Variants in KLHL40 observed in about 807,000 individuals in gnomAD.
The protein encoded by KLHL40 is kelch-like protein 40.
Under a neutral mutation model 49.7 loss-of-function variants are expected in KLHL40, and 44 were observed. The observed-to-expected ratio is 0.89, with a 90% confidence interval of 0.70 to 1.14. The LOEUF is 1.14. Among genes scored for constraint, KLHL40 ranks in the 50% most tolerant of loss-of-function variants. The probability of loss-of-function intolerance (pLI) is 0.00; values close to 1 mark genes in which losing one functional copy is unlikely to be tolerated. For missense variants in KLHL40, 892 were observed against 850.3 expected, an observed-to-expected ratio of 1.05 and a Z score of -0.61; for synonymous variants, 409 against 365.2, an observed-to-expected ratio of 1.12 and a Z score of -1.37.
In KLHL40 at chr3:42,686,065, C is replaced by A. The variant is rs138852341; in HGVS notation, c.447C>A (p.Ala149=). The change falls in exon 1 of 6, where the codon GCC becomes GCA. Residue 149 remains alanine, a synonymous_variant. Coordinates refer to ENST00000287777, the MANE Select transcript of KLHL40 (RefSeq NM_152393.4). ...TCCTGCTCGACTGCGCGCGTCTCGC[C>A]GTGGCTGCCCGCGACTTCATCTGCG... The part of the protein sequence containing the change: ...LGLLLDCARL[A]VAARDFICAH... 6 of 1,604,554 alleles carry A rather than the reference C, an allele frequency of 3.7e-6. No homozygotes were observed. The highest frequency in any genetic ancestry group is 5.1e-6 in the Non-Finnish European group (6 of 1,179,910).
Position 42,688,001 on chromosome 3 carries a change from G to A in KLHL40, c.1153-141G>A. On this transcript the variant is annotated intron_variant, in intron 1 of 5. Coordinates refer to ENST00000287777, the MANE Select transcript of KLHL40 (RefSeq NM_152393.4). This position sits in a 1 kb window ranked among gnomAD's most constrained non-coding sequence, Gnocchi z 4.2. Reference sequence around the variant, plus strand: ...TCAGCCTGATGGTAGGAGGGGCACTGTTTCTCAGGGCACCTCCAGGCTGTA... The same window carrying A: ...TCAGCCTGATGGTAGGAGGGGCACTATTTCTCAGGGCACCTCCAGGCTGTA... The A allele has an allele frequency of 1.1e-6, 1 of 928,316 alleles. No individual in the cohort carries two copies. Among genetic ancestry groups the A allele is most frequent in the Non-Finnish European group, 1.6e-6 (1 of 609,904 alleles). 57.5% of individuals were successfully genotyped at this position (928,316 alleles called of 1,614,324 possible).
In KLHL40 at chr3:42,688,951, C is replaced by G. The variant is rs766195312; in HGVS notation, c.1504C>G (p.Leu502Val). 6.2e-7 allele frequency: 1 copy of G among 1,614,198 alleles called. No individual in the cohort carries two copies. Among genetic ancestry groups the G allele is most frequent in the Admixed American group, 1.7e-5 (1 of 60,026 alleles). ...GGCACCCATGCAGACCGCCCGCTCA[C>G]TCTTTGGGGCCACTGTCCATGATGG... ...ELAPMQTARSLFGATVHDGRI... is the reference protein window; with the variant it reads ...ELAPMQTARSVFGATVHDGRI... Residue 502 changes from leucine to valine, a missense_variant, in exon 4 of 6, where the codon CTC becomes GTC. Physicochemically the swap from Leu to Val is conservative, Grantham distance 32 (BLOSUM62 1). Coordinates refer to ENST00000287777, the MANE Select transcript of KLHL40 (RefSeq NM_152393.4). This position sits in a 1 kb window ranked among gnomAD's most constrained non-coding sequence, Gnocchi z 4.2.
Position 42,688,103 on chromosome 3 carries a change from G to A in KLHL40, c.1153-39G>A. 1 of 1,613,004 alleles carries A rather than the reference G, an allele frequency of 6.2e-7. No individual in the cohort carries two copies. The highest frequency in any genetic ancestry group is 8.5e-7 in the Non-Finnish European group (1 of 1,179,682). On this transcript the variant is annotated intron_variant, in intron 1 of 5. Coordinates refer to ENST00000287777, the MANE Select transcript of KLHL40 (RefSeq NM_152393.4). This position sits in a 1 kb window ranked among gnomAD's most constrained non-coding sequence, Gnocchi z 4.2. ...GAGTGGGGCTGGGCTGAGGCTGGGG[G>A]AGTGGGGGGCGGTAGCTGACTGGAC...
In KLHL40 at chr3:42,689,047, G is replaced by A; in HGVS notation, c.1600G>A (p.Asp534Asn). The A allele has an allele frequency of 6.2e-7, 1 of 1,611,066 alleles. No individual in the cohort carries two copies. Among genetic ancestry groups the A allele is most frequent in the Non-Finnish European group, 8.5e-7 (1 of 1,177,798 alleles). ...TTCTGCCGAAGTGTACAGCATCACA[G>A]ACAACAAGTATGAAAGCTTGTCCCT... ...TSSAEVYSIT[D>N]NKWAPFEAFP... The change falls in exon 4 of 6, where the codon GAC becomes AAC. Residue 534 changes from aspartate (D) to asparagine (N), a missense_variant. By Grantham distance (23) the Asp-to-Asn change is conservative. Coordinates refer to ENST00000287777, the MANE Select transcript of KLHL40 (RefSeq NM_152393.4).
At position 42,688,310 on chromosome 3, in the gene KLHL40, T is replaced by C. The variant is rs757710078; in HGVS notation, c.1313+8T>C. 4.3e-5 allele frequency: 70 copies of C among 1,611,930 alleles called. 2 individuals are homozygous for C. The highest frequency in any genetic ancestry group is 8.8e-5 in the South Asian group (8 of 90,996). ...CATGTGCTACGACAGGCTGTGAGCA[T>C]GGCTGGGGTGGGGCTGAGCTCCGTG... is the stretch of plus-strand genomic sequence containing the variant. On this transcript the variant is annotated splice_region_variant and intron_variant, in intron 2 of 5. Transcript: ENST00000287777. This position sits in a 1 kb window ranked among gnomAD's most constrained non-coding sequence, Gnocchi z 4.2.
At position 42,688,827 on chromosome 3, in the gene KLHL40, G is replaced by T; in HGVS notation, c.1422-42G>T. ...GGTGATTGCAGGGAGGCGTGGCTGG[G>T]CTCCTGCTTCTCTCCACCCATCCCC... On this transcript the variant is annotated intron_variant, in intron 3 of 5. Transcript: ENST00000287777. The surrounding 1 kb of genome is among the most constrained non-coding windows in gnomAD (Gnocchi z 4.2). 2 of 1,600,510 alleles carry T rather than the reference G, an allele frequency of 1.2e-6. No homozygotes were observed. The highest frequency in any genetic ancestry group is 8.6e-7 in the Non-Finnish European group (1 of 1,168,106).
At position 42,688,962 on chromosome 3, in the gene KLHL40, C is replaced by T. The variant is rs1204833353; in HGVS notation, c.1515C>T (p.Ala505=). Reference sequence around the variant, plus strand: ...AGACCGCCCGCTCACTCTTTGGGGCCACTGTCCATGATGGCCGCATTATCG... The same window carrying T: ...AGACCGCCCGCTCACTCTTTGGGGCTACTGTCCATGATGGCCGCATTATCG... ...PMQTARSLFG[A]TVHDGRIIVA... is the part of the protein sequence containing the mutation. Residue 505 remains alanine (A), a synonymous_variant, in exon 4 of 6, where the codon GCC becomes GCT. Coordinates refer to ENST00000287777, the MANE Select transcript of KLHL40 (RefSeq NM_152393.4). The surrounding 1 kb of genome is among the most constrained non-coding windows in gnomAD (Gnocchi z 4.2). 6.2e-7 allele frequency: 1 copy of T among 1,614,192 alleles called. No individual in the cohort carries two copies. Among genetic ancestry groups the T allele is most frequent in the Non-Finnish European group, 8.5e-7 (1 of 1,180,026 alleles).
At chr3:42,691,481 G>T (rs1697366839) in intron 5 of KLHL40, among the ~76,000 whole-genome samples, 1 of 152,052 alleles carries the variant, frequency 6.6e-6, no homozygotes, top group Admixed American at 6.5e-5. Context: ...TCCTGAACCT[G>T]CAGCCATCTG....
Position 42,692,043 on chromosome 3 carries a change from C to G in KLHL40, c.*50C>G, listed in dbSNP as rs1229642280. On this transcript the variant is annotated 3_prime_UTR_variant, in exon 6 of 6. Coordinates refer to ENST00000287777, the MANE Select transcript of KLHL40 (RefSeq NM_152393.4). ...CACCCCTCCCATCCTGCGACCCTCA[C>G]TGGCCTGGCCTTGTGGGGGCTCCAG... is the stretch of plus-strand genomic sequence containing the variant. The G allele has an allele frequency of 8.8e-7, 1 of 1,134,944 alleles. No individual in the cohort carries two copies. Among genetic ancestry groups the G allele is most frequent in the African/African-American group, 1.5e-5 (1 of 65,402 alleles). The allele number at this position is 1,134,944 out of a possible 1,614,324, so 70.3% of individuals were successfully genotyped here.
Position 42,688,220 on chromosome 3 carries a change from C to T in KLHL40, c.1231C>T (p.Leu411Phe). Residue 411 changes from leucine (L) to phenylalanine (F), a missense_variant, in exon 2 of 6, where the codon CTC (leucine) becomes TTC (phenylalanine). By Grantham distance (22) the Leu-to-Phe change is conservative. Coordinates refer to ENST00000287777, the MANE Select transcript of KLHL40 (RefSeq NM_152393.4). The surrounding 1 kb of genome is among the most constrained non-coding windows in gnomAD (Gnocchi z 4.2). ...PRCLFGLGEA[L>F]NSIYVVGGRE... ...CTGCCTCTTTGGCCTGGGAGAAGCT[C>T]TCAACTCCATCTACGTGGTCGGTGG... is the stretch of plus-strand genomic sequence containing the variant. 1.9e-6 allele frequency: 3 copies of T among 1,614,014 alleles called. No homozygotes were observed. In the African/African-American group the frequency reaches 4.0e-5, roughly 22 times the overall value.
rs149944503 is a variant in KLHL40, at chr3:42,686,743, G to A, written c.1125G>A (p.Glu375=). 11 of 1,612,504 alleles carry A rather than the reference G, an allele frequency of 6.8e-6. No individual in the cohort carries two copies. The African/African-American group carries it at 1.3e-4, about 20-fold the overall frequency. Residue 375 remains glutamate (E), a synonymous_variant, in exon 1 of 6, where the codon GAG becomes GAA. Transcript: ENST00000287777. ...TCTTCTACAACGAAGACAACAAAGA[G>A]GACCCCATGAGCGCATACTTCCTGC... ...GGLFYNEDNK[E]DPMSAYFLQF...
At chr3:42,691,751 C>T (rs1351951315) in intron 5 of KLHL40, 131 bp from the exon 6 acceptor site, 8 of 650,732 alleles carry the variant, frequency 1.2e-5, no homozygotes, top group Non-Finnish European at 2.3e-5. Flanking sequence ...TTCCCAGAGC[C>T]TGGGGATTTT....
Position 42,686,056 on chromosome 3 carries a change from G to A in KLHL40, c.438G>A (p.Ala146=). 1 of 1,605,982 alleles carries A rather than the reference G, an allele frequency of 6.2e-7. No homozygotes were observed. ...VFRLGLLLDC[A]RLAVAARDFI... ...GTCTCGGCCTCCTGCTCGACTGCGCGCGTCTCGCCGTGGCTGCCCGCGACT... is the reference window on the plus strand; with the variant it reads ...GTCTCGGCCTCCTGCTCGACTGCGCACGTCTCGCCGTGGCTGCCCGCGACT... The change falls in exon 1 of 6, where the codon GCG becomes GCA. Residue 146 remains alanine, a synonymous_variant. Transcript: ENST00000287777.
chr3:42,687,794 G>A (rs1697297726), intron 1 of KLHL40, among the ~76,000 whole-genome samples: 1 of 152,132 alleles, frequency 6.6e-6, no homozygotes, highest in South Asian at 2.1e-4. Context: ...TGAACAGTGG[G>A]ATGGGGTGGA....
chr3:42,688,095 G>A lies in KLHL40; in HGVS notation c.1153-47G>A. On this transcript the variant is annotated intron_variant, in intron 1 of 5. Coordinates refer to ENST00000287777, the MANE Select transcript of KLHL40 (RefSeq NM_152393.4). The surrounding 1 kb of genome is among the most constrained non-coding windows in gnomAD (Gnocchi z 4.2). ...GTGGGACTGAGTGGGGCTGGGCTGA[G>A]GCTGGGGGAGTGGGGGGCGGTAGCT... The A allele has an allele frequency of 1.2e-6, 2 of 1,612,328 alleles. No homozygotes were observed. Among genetic ancestry groups the A allele is most frequent in the Non-Finnish European group, 1.7e-6 (2 of 1,179,368 alleles).
rs1233846197 is a variant in KLHL40 at position 42,686,719 on chromosome 3, C to T, written c.1101C>T (p.Leu367=). The T allele has an allele frequency of 1.2e-6, 2 of 1,613,236 alleles. No homozygotes were observed. Among genetic ancestry groups the T allele is most frequent in the East Asian group, 4.5e-5 (2 of 44,882 alleles). ...ACCAGGTCTTCGTGGCTGGAGGCCTCTTCTACAACGAAGACAACAAAGAGG... is the reference window on the plus strand; with the variant it reads ...ACCAGGTCTTCGTGGCTGGAGGCCTTTTCTACAACGAAGACAACAAAGAGG... ...KENQVFVAGG[L]FYNEDNKEDP... is the part of the protein sequence containing the mutation. Residue 367 remains leucine (L), a synonymous_variant, in exon 1 of 6, where the codon CTC becomes CTT. Transcript: ENST00000287777.
chr3:42,691,516 A>G lies in KLHL40; in HGVS notation c.1755-366A>G, dbSNP rs561681173. ...GCACTGCTGCAGGCAGCCCCTGGGG[A>G]GCAGTGCTGCCGGAGGCTGAGACGT... On this transcript the variant is annotated intron_variant, in intron 5 of 5. Coordinates refer to ENST00000287777, the MANE Select transcript of KLHL40 (RefSeq NM_152393.4). Among the ~76,000 whole-genome samples, 3 of 152,142 alleles carry G rather than the reference A, an allele frequency of 2.0e-5. No homozygotes were observed. In the East Asian group the frequency reaches 5.8e-4, roughly 30 times the overall value.
chr3:42,688,899 C>T lies in KLHL40; in HGVS notation c.1452C>T (p.Asp484=), dbSNP rs146591101. The change falls in exon 4 of 6, where the codon GAC becomes GAT. Residue 484 remains aspartate (D), a synonymous_variant. Transcript: ENST00000287777. This position sits in a 1 kb window ranked among gnomAD's most constrained non-coding sequence, Gnocchi z 4.2. ...RKCLNKMCVY[D]PKKFEWKELA... ...GCCTGAACAAGATGTGCGTCTATGA[C>T]CCCAAGAAGTTTGAGTGGAAGGAGC... The T allele has an allele frequency of 6.2e-7, 1 of 1,613,986 alleles. No individual in the cohort carries two copies. The highest frequency in any genetic ancestry group is 1.3e-5 in the African/African-American group (1 of 74,918).
Position 42,688,671 on chromosome 3 carries a change from T to C in KLHL40, c.1375T>C (p.Ser459Pro), listed in dbSNP as rs768818311. 1 of 1,614,004 alleles carries C rather than the reference T, an allele frequency of 6.2e-7. No individual in the cohort carries two copies. The highest frequency in any genetic ancestry group is 1.1e-5 in the South Asian group (1 of 91,076). The change falls in exon 3 of 6, where the codon TCC becomes CCC. Residue 459 changes from serine (S) to proline (P), a missense_variant. Ser to Pro is a moderately conservative substitution (Grantham distance 74). Coordinates refer to ENST00000287777, the MANE Select transcript of KLHL40 (RefSeq NM_152393.4). This position sits in a 1 kb window ranked among gnomAD's most constrained non-coding sequence, Gnocchi z 4.2. ...CGTGGTGTATGGCCACACAGTGCTC[T>C]CCCACATGGACCTTGTCTACGTAAT... The part of the protein sequence containing the change: ...PYVVYGHTVL[S>P]HMDLVYVIGG...
Sources: gnomAD v4.1 joint callset for allele counts (sites outside exome capture counted in the v4.1 genomes callset) on GRCh38, gnomAD v4.1.1 for gene constraint, Gnocchi (gnomAD v3.1) non-coding constraint, MANE v1.5 for transcripts, NCBI Gene and HGNC (gene_info 2026-07-23, HGNC 2026-07-21) for gene names.